ANKDD1B: variants seen among roughly 807,000 people sequenced by gnomAD.
The protein encoded by ANKDD1B is ankyrin repeat and death domain-containing protein 1B.
Under a neutral mutation model 59.7 loss-of-function variants are expected in ANKDD1B, and 57 were observed. The ratio of observed to expected loss-of-function variants is 0.95; its 90% confidence interval spans 0.77 to 1.19. The LOEUF is 1.19. Ranked by LOEUF, ANKDD1B falls within the 50% of genes most tolerant of loss-of-function variation. ANKDD1B has a pLI of 0.00. For missense variants in ANKDD1B, 602 were observed against 641.9 expected (o/e 0.94, Z 0.67); for synonymous variants, 216 against 239.5 (o/e 0.90, Z 0.91).
At chr5:75,655,846 C>G (rs1774961025) in intron 8 of ANKDD1B, among the ~76,000 whole-genome samples, 183 bp from the exon 9 acceptor site, 1 of 152,118 alleles carries the variant, frequency 6.6e-6, no homozygotes, top group African/African-American at 2.4e-5. Context: ...TGCTGGGGAA[C>G]GAGTTTGTTT....
intron 5 of ANKDD1B, among the ~76,000 whole-genome samples, chr5:75,628,016 A>G (rs1272280929): frequency 6.6e-6 from 1 of 152,274 alleles, no homozygotes; most frequent in Non-Finnish European, 1.5e-5. Flanking sequence ...GTTCAGAGAC[A>G]TACAAGGAAT....
chr5:75,623,572 GA>G (rs1479529774), intron 3 of ANKDD1B, among the ~76,000 whole-genome samples: 1 of 152,114 alleles, frequency 6.6e-6, no homozygotes, highest in African/African-American at 2.4e-5. Flanking sequence ...CCTACAAATG[GA>G]CTAACTCACC....
chr5:75,668,860 G>A (rs1199449103), intron 12 of ANKDD1B, among the ~76,000 whole-genome samples: 2 of 152,204 alleles, frequency 1.3e-5, no homozygotes, highest in Non-Finnish European at 2.9e-5. Context: ...TTTGTTAGAT[G>A]CATGGATTCT....
At position 75,635,808 on chromosome 5, in the gene ANKDD1B, G is replaced by A. The variant is rs1013861619; in HGVS notation, c.724G>A (p.Ala242Thr). The A allele has an allele frequency of 9.1e-6, 14 of 1,532,920 alleles. No individual in the cohort carries two copies. The Admixed American group carries it at 9.8e-5, about 11-fold the overall frequency. The allele number at this position is 1,532,920 out of a possible 1,614,324, so 95.0% of individuals were successfully genotyped here. Reference protein sequence around the residue: ...DKGGNTALHLAAKHGHSPAVQ... With the variant: ...DKGGNTALHLTAKHGHSPAVQ... ...GGGGGGAAACACTGCCTTGCACCTC[G>A]CTGCGAAGCATGGTCACAGTCCTGC... Residue 242 changes from alanine to threonine, a missense_variant, in exon 7 of 14, where the codon GCT becomes ACT. Ala to Thr is a moderately conservative substitution (Grantham distance 58). This residue lies in a region of ANKDD1B where 317 missense variants were observed against 304.6 expected (regional missense o/e 1.04). Coordinates refer to ENST00000601380, the MANE Select transcript of ANKDD1B (RefSeq NM_001276713.2).
chr5:75,623,574 C>T (rs1193878484), intron 3 of ANKDD1B, among the ~76,000 whole-genome samples: 2 of 152,146 alleles, frequency 1.3e-5, no homozygotes, highest in Admixed American at 6.5e-5. Flanking sequence ...TACAAATGGA[C>T]TAACTCACCG....
chr5:75,669,481 G>T, intron 13 of ANKDD1B, 98 bp downstream of exon 13: 1 of 1,085,984 alleles, frequency 9.2e-7, no homozygotes, highest in Admixed American at 4.3e-5. Flanking sequence ...CCCCAGCGTG[G>T]TGTTAGCTGT....
rs181165408 is a variant in ANKDD1B, at chr5:75,637,353, C to T, written c.798+1471C>T. 4.4e-3 allele frequency among the ~76,000 whole-genome samples: 670 copies of T among 150,594 alleles called. 5 individuals are homozygous for T. Among genetic ancestry groups the T allele is most frequent in the Middle Eastern group, 0.01 (3 of 286 alleles). ...TGCAGGCGGGTTTGTGAGTCATTTG[C>T]CCTGGATGGTCACTTCTCAACCTAT... On this transcript the variant is annotated intron_variant, in intron 7 of 13. Transcript: ENST00000601380.
At chr5:75,669,184 C>A (rs1050906104) in intron 12 of ANKDD1B, 68 bp from the exon 13 acceptor site, 27 of 1,225,566 alleles carry the variant, frequency 2.2e-5, no homozygotes, top group Non-Finnish European at 2.6e-5. Flanking sequence ...TTAGTTGGAA[C>A]TGAGATCACA....
At chr5:75,649,568 G>T (rs533824943) in intron 7 of ANKDD1B, among the ~76,000 whole-genome samples, 1 of 152,230 alleles carries the variant, frequency 6.6e-6, no homozygotes, top group African/African-American at 2.4e-5. Context: ...GGTAAATGCT[G>T]TGGACTCCTA....
At chr5:75,669,214 C>T (rs1775400425) in intron 12 of ANKDD1B, 38 bp from the exon 13 acceptor site, 6 of 1,231,330 alleles carry the variant, frequency 4.9e-6, no homozygotes, top group South Asian at 8.2e-5. Flanking sequence ...GATAGCAGCT[C>T]GTGGTGTTTT....
At chr5:75,629,063 A>C (rs746091721) in intron 5 of ANKDD1B, among the ~76,000 whole-genome samples, 59 of 152,182 alleles carry the variant, frequency 3.9e-4, no homozygotes, top group Non-Finnish European at 5.9e-4. Flanking sequence ...GGAAGTCAAA[A>C]TACAAAGAAG....
chr5:75,668,960 G>C (rs1001325243), intron 12 of ANKDD1B, among the ~76,000 whole-genome samples: 3 of 152,202 alleles, frequency 2.0e-5, no homozygotes, highest in African/African-American at 7.2e-5. Context: ...TGGTCTATGA[G>C]AAGTTGCATA....
chr5:75,634,753 G>A (rs1689731448), intron 5 of ANKDD1B, 145 bp from the exon 6 acceptor site: 3 of 576,402 alleles, frequency 5.2e-6, no homozygotes, highest in Admixed American at 3.0e-5. Flanking sequence ...GATCTGATTT[G>A]GAGTCAGAGA....
Position 75,644,078 on chromosome 5 carries a change from A to G in ANKDD1B, c.798+8196A>G, listed in dbSNP as rs2111968985. On this transcript the variant is annotated intron_variant, in intron 7 of 13. Transcript: ENST00000601380. ...ATTTTGTCACCACCAGGCCTGCCCT[A>G]AAAGAGCTCCTGAAGGAAGCGCTAA... is the stretch of plus-strand genomic sequence containing the variant. Among the ~76,000 whole-genome samples the G allele has an allele frequency of 2.8e-5, 3 of 107,626 alleles. No homozygotes were observed. In the South Asian group the frequency reaches 8.8e-4, roughly 32 times the overall value. The allele number at this position is 107,626 out of a possible 152,430, so 70.6% of individuals were successfully genotyped here. A position where few individuals can be genotyped will look rare whatever the true frequency, so the allele number is the denominator to read the frequency against.
chr5:75,636,056 A>C (rs1296987453), intron 7 of ANKDD1B, among the ~76,000 whole-genome samples, 174 bp downstream of exon 7: 5 of 152,234 alleles, frequency 3.3e-5, no homozygotes, highest in African/African-American at 1.2e-4. Flanking sequence ...TTCATTTGTT[A>C]ATCCATTCAT....
chr5:75,639,212 T>C (rs1431777086), intron 7 of ANKDD1B, among the ~76,000 whole-genome samples: 1 of 152,200 alleles, frequency 6.6e-6, no homozygotes, highest in Admixed American at 6.5e-5. Flanking sequence ...TGTTGGTTTT[T>C]TGAGACGAAG....
chr5:75,648,254 A>T (rs542733109), intron 7 of ANKDD1B, among the ~76,000 whole-genome samples: 23 of 29,230 alleles, frequency 7.9e-4, no homozygotes, highest in East Asian at 5.7e-3. Flanking sequence ...AAGTATAATT[A>T]AAAAAAAAAA....
chr5:75,658,929 A>G (rs1775044515), intron 9 of ANKDD1B, among the ~76,000 whole-genome samples: 1 of 152,334 alleles, frequency 6.6e-6, no homozygotes, highest in South Asian at 2.1e-4. Context: ...TATCTATTAA[A>G]CGGTAACTTC....
intron 7 of ANKDD1B, 39 bp downstream of exon 7, chr5:75,635,921 G>T (rs150218900): frequency 7.6e-7 from 1 of 1,313,758 alleles, no homozygotes; most frequent in Non-Finnish European, 1.1e-6. Context: ...GGACTTAAAT[G>T]TGGAAGGGTT....
Sources: allele counts gnomAD v4.1 joint callset (sites outside exome capture counted in the v4.1 genomes callset), GRCh38; gene constraint gnomAD v4.1.1; regional missense constraint gnomAD v4.1.1; transcripts MANE v1.5; gene names NCBI Gene and HGNC (gene_info 2026-07-23, HGNC 2026-07-21).